The following STK11 variants were observed in gnomAD, a reference collection of about 807,000 sequenced individuals.
The protein encoded by STK11 is serine/threonine-protein kinase STK11.
A neutral mutation model predicts 47.3 loss-of-function variants in STK11; 8 were observed. That is an observed-to-expected ratio of 0.17 (90% CI 0.10 to 0.31). STK11 has a LOEUF of 0.31. Among genes scored for constraint, STK11 ranks in the 10% least tolerant of loss-of-function variants. The pLI, the probability that STK11 is intolerant of heterozygous loss-of-function variation, is 1.00. For synonymous variants in STK11, 330 were observed against 255.8 expected, an observed-to-expected ratio of 1.29 and a Z score of -2.77; for missense variants, 475 against 605.0, an observed-to-expected ratio of 0.79 and a Z score of 2.25.
chr19:1,212,100 C>T (rs962824068), intron 1 of STK11, among the ~76,000 whole-genome samples: 1 of 151,988 alleles, frequency 6.6e-6, no homozygotes, highest in African/African-American at 2.4e-5. Flanking sequence ...CTGGGCTGTG[C>T]ACACAGTGGG....
At chr19:1,212,201 A>G (rs2080715814) in intron 1 of STK11, among the ~76,000 whole-genome samples, 1 of 143,656 alleles carries the variant, frequency 7.0e-6, no homozygotes, top group African/African-American at 2.5e-5. Flanking sequence ...GGAATCAGTG[A>G]GGCGGCTGGA....
intron 6 of STK11, 102 bp downstream of exon 6, chr19:1,221,442 C>G (rs1239250651): frequency 6.9e-7 from 1 of 1,447,418 alleles, no homozygotes; most frequent in Admixed American, 2.5e-5. Context: ...GCCCCGAGAC[C>G]CCAGCAGGCA....
intron 9 of STK11, chr19:1,226,989 C>T (rs371079304): frequency 3.3e-5 from 11 of 338,324 alleles, no homozygotes; most frequent in African/African-American, 1.1e-4. Flanking sequence ...ATGCCCGCGC[C>T]GCTTCCAGGA....
intron 7 of STK11, 114 bp from the exon 8 acceptor site, chr19:1,222,871 T>G: frequency 6.3e-6 from 8 of 1,261,490 alleles, no homozygotes; most frequent in Non-Finnish European, 7.5e-6. Flanking sequence ...TTGCACGGCC[T>G]GGTCCCAGCT....
chr19:1,219,474 C>T, intron 3 of STK11, 61 bp downstream of exon 3: 2 of 1,502,678 alleles, frequency 1.3e-6, no homozygotes, highest in Non-Finnish European at 9.0e-7. Flanking sequence ...AGGGCAGGCT[C>T]CTTTCCGTGA....
rs886054215 is a variant in STK11 at position 1,206,859 on chromosome 19, C to T, written c.-55C>T. ...AGGGAAGTCGGAACACAAGGAAGGA[C>T]CGCTCACCCGCGGACTCAGGGCTGG... On this transcript the variant is annotated 5_prime_UTR_variant, in exon 1 of 10. Coordinates refer to ENST00000326873, the MANE Select transcript of STK11 (RefSeq NM_000455.5). 266 of 1,521,530 alleles carry T rather than the reference C, an allele frequency of 1.7e-4. 1 individual carries two copies. Among genetic ancestry groups the T allele is most frequent in the Non-Finnish European group, 3.1e-5 (35 of 1,126,784 alleles). 94.3% of individuals were successfully genotyped at this position (1,521,530 alleles called of 1,614,324 possible).
chr19:1,212,369 G>T (rs539407660), intron 1 of STK11, among the ~76,000 whole-genome samples: 2 of 137,944 alleles, frequency 1.4e-5, no homozygotes, highest in African/African-American at 5.6e-5. Flanking sequence ...GGGCTCAGGT[G>T]ACCCTCCTGC....
chr19:1,224,073 C>A, intron 8 of STK11: 1 of 999,280 alleles, frequency 1.0e-6, no homozygotes. Context: ...GCAGAGAGCC[C>A]CCCATTAGGT....
chr19:1,206,849 CAAGG>C lies in STK11; in HGVS notation c.-59_-56del, dbSNP rs1048312061. On this transcript the variant is annotated 5_prime_UTR_variant, in exon 1 of 10. Transcript: ENST00000326873. ...ATTTTGGAGAAGGGAAGTCGGAACACAAGGAAGGACCGCTCACCCGCGGACTCAG... is the reference window on the plus strand; with the variant it reads ...ATTTTGGAGAAGGGAAGTCGGAACACAAGGACCGCTCACCCGCGGACTCAG... The C allele has an allele frequency of 8.7e-6, 13 of 1,485,776 alleles. No individual in the cohort carries two copies. The East Asian group carries it at 2.5e-4, about 29-fold the overall frequency. The allele number at this position is 1,485,776 out of a possible 1,614,324, so 92.0% of individuals were successfully genotyped here.
chr19:1,211,573 A>C (rs2080711026), intron 1 of STK11, among the ~76,000 whole-genome samples: 2 of 152,158 alleles, frequency 1.3e-5, no homozygotes, highest in Admixed American at 1.3e-4. Flanking sequence ...CCGCAGAGGC[A>C]CCCAGGGCTG....
chr19:1,224,181 A>G (rs1392167988), intron 8 of STK11: 1 of 984,808 alleles, frequency 1.0e-6, no homozygotes, highest in South Asian at 4.7e-5. Flanking sequence ...AGCACAGTGT[A>G]TGGGGGTCCC....
chr19:1,209,637 G>A (rs1347749285), intron 1 of STK11, among the ~76,000 whole-genome samples: 1 of 151,916 alleles, frequency 6.6e-6, no homozygotes, highest in Non-Finnish European at 1.5e-5. Flanking sequence ...TCTGGCTTGA[G>A]TTTTGACAAA....
intron 3 of STK11, 119 bp downstream of exon 3, chr19:1,219,532 T>C: frequency 1.1e-6 from 1 of 948,164 alleles, no homozygotes; most frequent in Non-Finnish European, 1.5e-6. Flanking sequence ...GCCCAAGTTT[T>C]TTTGTTTTTT....
At position 1,219,363 on chromosome 19, in the gene STK11, A is replaced by G. The variant is rs1045257509; in HGVS notation, c.414A>G (p.Glu138=). 14 of 1,593,904 alleles carry G rather than the reference A, an allele frequency of 8.8e-6. No homozygotes were observed. The highest frequency in any genetic ancestry group is 1.1e-5 in the Non-Finnish European group (13 of 1,171,318). Residue 138 remains glutamate, a synonymous_variant, in exon 3 of 10, where the codon GAA becomes GAG. Coordinates refer to ENST00000326873, the MANE Select transcript of STK11 (RefSeq NM_000455.5). ...VMEYCVCGMQ[E]MLDSVPEKRF... The stretch of plus-strand genomic sequence containing the variant: ...AGTACTGCGTGTGTGGCATGCAGGA[A>G]ATGCTGGACAGCGTGCCGGAGAAGC...
At chr19:1,207,522 C>T (rs1345413934) in intron 1 of STK11, among the ~76,000 whole-genome samples, 3 of 152,200 alleles carry the variant, frequency 2.0e-5, no homozygotes, top group Non-Finnish European at 2.9e-5. Flanking sequence ...CCCTTGGCTC[C>T]CCCAGCTGTC....
intron 1 of STK11, among the ~76,000 whole-genome samples, chr19:1,212,127 AGCTGGGG>A (rs2080715376): frequency 6.6e-6 from 1 of 152,080 alleles, no homozygotes; most frequent in Non-Finnish European, 1.5e-5. Flanking sequence ...GTGCCCAGCC[AGCTGGGG>A]CAGGCCTGGA....
chr19:1,212,376 C>G (rs2080717624), intron 1 of STK11, among the ~76,000 whole-genome samples: 1 of 148,038 alleles, frequency 6.8e-6, no homozygotes, highest in Non-Finnish European at 1.5e-5. Flanking sequence ...GGTGACCCTC[C>G]TGCCCCCAAG....
At chr19:1,227,477 C>T in intron 9 of STK11, 116 bp from the exon 10 acceptor site, 1 of 1,039,020 alleles carries the variant, frequency 9.6e-7, no homozygotes, top group African/African-American at 1.7e-5. Flanking sequence ...CTGCTGCCCC[C>T]CAGGAGTCCG....
chr19:1,219,255 T>A (rs2080764517), intron 2 of STK11, 69 bp from the exon 3 acceptor site: 4 of 1,530,988 alleles, frequency 2.6e-6, no homozygotes, highest in Non-Finnish European at 3.5e-6. Flanking sequence ...GAGCCCCTTT[T>A]CTGGCCCCCG....
Sources: allele counts gnomAD v4.1 joint callset (sites outside exome capture counted in the v4.1 genomes callset), GRCh38; gene constraint gnomAD v4.1.1; transcripts MANE v1.5; gene names NCBI Gene and HGNC (gene_info 2026-07-23, HGNC 2026-07-21).